Variants in CCDC91 observed in about 807,000 individuals in gnomAD.
CCDC91 encodes the protein coiled-coil domain containing 91, also known as coiled-coil domain-containing protein 91.
CCDC91 carries 48 observed loss-of-function variants against 63.2 expected under a neutral mutation model. The observed-to-expected ratio is 0.76, with a 90% confidence interval of 0.60 to 0.97. The LOEUF (loss-of-function observed/expected upper bound fraction) is 0.97. CCDC91 is among the 50% of genes least tolerant of loss of function. CCDC91 has a pLI of 0.00. For synonymous variants in CCDC91, 167 were observed against 165.8 expected, an observed-to-expected ratio of 1.01 and a Z score of -0.06; for missense variants, 500 against 494.6, an observed-to-expected ratio of 1.01 and a Z score of -0.10.
chr12:28,443,773 G>T (rs1315398065), intron 8 of CCDC91, among the ~76,000 whole-genome samples: 1 of 152,070 alleles, frequency 6.6e-6, no homozygotes, highest in Non-Finnish European at 1.5e-5. Flanking sequence ...TCTGTCAGGG[G>T]TTTATACTTG....
intron 11 of CCDC91, among the ~76,000 whole-genome samples, chr12:28,462,322 G>A (rs1023374507): frequency 6.6e-6 from 1 of 151,966 alleles, no homozygotes; most frequent in African/African-American, 2.4e-5. Context: ...CATGAGTAGG[G>A]AACTATAGTT....
intron 7 of CCDC91, 68 bp downstream of exon 7, chr12:28,362,583 G>A (rs983098256): frequency 1.1e-6 from 1 of 929,872 alleles, no homozygotes; most frequent in African/African-American, 1.7e-5. Flanking sequence ...ACACATGTAG[G>A]TATGTGCAAA....
intron 11 of CCDC91, among the ~76,000 whole-genome samples, chr12:28,465,963 CAAAG>C (rs1950528833): frequency 6.6e-6 from 1 of 151,948 alleles, no homozygotes; most frequent in Non-Finnish European, 1.5e-5. Flanking sequence ...GTAAATTTAA[CAAAG>C]AGATTGAAAT....
chr12:28,290,489 T>C (rs1432600862), intron 3 of CCDC91, among the ~76,000 whole-genome samples: 2 of 152,222 alleles, frequency 1.3e-5, no homozygotes, highest in Non-Finnish European at 2.9e-5. Flanking sequence ...AATTAAGGCA[T>C]TTAGCCCATT....
chr12:28,449,005 C>T (rs1023325572), intron 8 of CCDC91, among the ~76,000 whole-genome samples: 17 of 152,018 alleles, frequency 1.1e-4, no homozygotes, highest in Admixed American at 1.3e-4. Flanking sequence ...AGCTGCCTTA[C>T]ATAATTTCAT....
intron 1 of CCDC91, among the ~76,000 whole-genome samples, chr12:28,242,925 G>C (rs1333637479): frequency 1.3e-5 from 2 of 152,068 alleles, no homozygotes; most frequent in Non-Finnish European, 2.9e-5. Flanking sequence ...ACATGTAAGA[G>C]GTGTCTGCTT....
chr12:28,524,434 C>T (rs1368196270), intron 12 of CCDC91, among the ~76,000 whole-genome samples: 1 of 152,136 alleles, frequency 6.6e-6, no homozygotes, highest in African/African-American at 2.4e-5. Context: ...ACTATCCCTG[C>T]ATCCCTGGTA....
At chr12:28,382,231 G>T (rs1337998750) in intron 7 of CCDC91, among the ~76,000 whole-genome samples, 2 of 151,442 alleles carry the variant, frequency 1.3e-5, no homozygotes, top group African/African-American at 2.4e-5. Context: ...TAATCTTTGA[G>T]ATCTATATTT....
intron 1 of CCDC91, among the ~76,000 whole-genome samples, chr12:28,209,516 C>T (rs1273525359): frequency 1.3e-5 from 2 of 151,770 alleles, no homozygotes; most frequent in African/African-American, 4.8e-5. Context: ...ACTGCAACCT[C>T]GGCCCCTGGG....
intron 11 of CCDC91, among the ~76,000 whole-genome samples, chr12:28,473,974 TTGTG>T (rs142414549): frequency 2.0e-4 from 30 of 149,690 alleles, no homozygotes; most frequent in Admixed American, 7.4e-4. Context: ...GCATGTGTGT[TTGTG>T]TGTGTGTGTG....
chr12:28,261,072 C>T (rs565042681), intron 3 of CCDC91, among the ~76,000 whole-genome samples: 8 of 152,034 alleles, frequency 5.3e-5, no homozygotes, highest in African/African-American at 1.9e-4. Flanking sequence ...GAGTTATCAG[C>T]AGGACTGTCT....
chr12:28,214,720 A>C (rs1943456557), intron 1 of CCDC91, among the ~76,000 whole-genome samples: 1 of 152,208 alleles, frequency 6.6e-6, no homozygotes, highest in African/African-American at 2.4e-5. Context: ...ATCAAGGGAA[A>C]TAGAAATGTC....
At position 28,382,016 on chromosome 12, in the gene CCDC91, G is replaced by T. The variant is rs142170208; in HGVS notation, c.655-9288G>T. Among the ~76,000 whole-genome samples the T allele has an allele frequency of 3.7e-3, 560 of 152,082 alleles. 4 individuals carry two copies. Among genetic ancestry groups the T allele is most frequent in the African/African-American group, 0.013 (539 of 41,490 alleles). On this transcript the variant is annotated intron_variant, in intron 7 of 12. Transcript: ENST00000536442. ...ATTCACCCTTAATGTAATCACATCT[G>T]TCAGGTACCAATGGTAACTTTAAAC...
chr12:28,304,820 A>G (rs1483696125), intron 3 of CCDC91: 4 of 340,980 alleles, frequency 1.2e-5, no homozygotes, highest in Non-Finnish European at 1.7e-5. Context: ...ATTTTTAGAA[A>G]GAACACTGGA....
chr12:28,548,428 C>T lies in CCDC91; in HGVS notation c.1216-635C>T, dbSNP rs566569812. Among the ~76,000 whole-genome samples the T allele has an allele frequency of 9.2e-5, 14 of 152,088 alleles. No homozygotes were observed. The South Asian group carries it at 2.3e-3, about 25-fold the overall frequency. On this transcript the variant is annotated intron_variant, in intron 12 of 12. Transcript: ENST00000536442. ...GAGATTACAGGTGTGCACCACCATG[C>T]GCAGCTAATTTTTTATATATTTAGT...
At chr12:28,322,191 CAT>C (rs1295705553) in intron 6 of CCDC91, among the ~76,000 whole-genome samples, 1 of 151,834 alleles carries the variant, frequency 6.6e-6, no homozygotes, top group East Asian at 1.9e-4. Flanking sequence ...TTACCTACTC[CAT>C]CTGCATCTAA....
chr12:28,446,602 ACAGGCTCAT>A (rs1362330169), intron 8 of CCDC91, among the ~76,000 whole-genome samples: 1 of 152,136 alleles, frequency 6.6e-6, no homozygotes, highest in Non-Finnish European at 1.5e-5. Context: ...AGCTGGGACT[ACAGGCTCAT>A]GCCACTATGC....
At chr12:28,275,336 A>G (rs1369951497) in intron 3 of CCDC91, among the ~76,000 whole-genome samples, 2 of 152,064 alleles carry the variant, frequency 1.3e-5, no homozygotes, top group Non-Finnish European at 2.9e-5. Context: ...AGAATACTAT[A>G]AAACACCTCT....
intron 11 of CCDC91, among the ~76,000 whole-genome samples, chr12:28,454,609 A>G (rs1036494903): frequency 5.3e-5 from 8 of 152,124 alleles, no homozygotes; most frequent in Non-Finnish European, 8.8e-5. Flanking sequence ...TTAAGCCGCT[A>G]TCTTTATTCT....
Sources: allele counts gnomAD v4.1 joint callset (sites outside exome capture counted in the v4.1 genomes callset), GRCh38; gene constraint gnomAD v4.1.1; transcripts MANE v1.5; gene names NCBI Gene and HGNC (gene_info 2026-07-23, HGNC 2026-07-21).